Variants in UGT2B7 observed in about 807,000 individuals in gnomAD.
UGT2B7 encodes UDP-glucuronosyltransferase 2B7.
Under a neutral mutation model 51.9 loss-of-function variants are expected in UGT2B7, and 51 were observed. The ratio of observed to expected loss-of-function variants is 0.98; its 90% CI spans 0.78 to 1.24. The LOEUF (loss-of-function observed/expected upper bound fraction) is 1.24. Ranked by LOEUF, UGT2B7 falls within the 50% of genes most tolerant of loss-of-function variation. The pLI is 0.00. For synonymous variants in UGT2B7, 225 were observed against 211.6 expected, an observed-to-expected ratio of 1.06 and a Z score of -0.55; for missense variants, 727 against 628.4, an observed-to-expected ratio of 1.16 and a Z score of -1.68.
At chr4:69,094,446 C>T (rs200486722), upstream of UGT2B7, among the ~76,000 whole-genome samples, 2 of 29,158 alleles carry the variant, frequency 6.9e-5, 1 homozygote, top group Non-Finnish European at 1.0e-4. Context: ...CCGCGCCCGG[C>T]CGGTTTCTAA....
chr4:69,112,554 C>T lies in UGT2B7; in HGVS notation c.1408C>T (p.His470Tyr), dbSNP rs1447327682. 1 of 1,613,906 alleles carries T rather than the reference C, an allele frequency of 6.2e-7. No homozygotes were observed. The highest frequency in any genetic ancestry group is 1.7e-5 in the Admixed American group (1 of 60,014). The change falls in exon 6 of 6, where the codon CAC (histidine) becomes TAC (tyrosine). Residue 470 changes from histidine (H) to tyrosine (Y), a missense_variant. Physicochemically the swap from His to Tyr is moderately conservative, Grantham distance 83. Transcript: ENST00000305231. Reference protein sequence around the residue: ...AVFWIEFVMRHKGAKHLRVAA... With the variant: ...AVFWIEFVMRYKGAKHLRVAA... ...CTTCTGGATTGAATTTGTCATGCGCCACAAAGGAGCTAAACACCTTCGGGT... is the reference window on the plus strand; with the variant it reads ...CTTCTGGATTGAATTTGTCATGCGCTACAAAGGAGCTAAACACCTTCGGGT...
intron 1 of UGT2B7, among the ~76,000 whole-genome samples, chr4:69,056,926 A>G (rs1260868528): frequency 6.6e-6 from 1 of 152,234 alleles, no homozygotes; most frequent in Admixed American, 6.5e-5. Flanking sequence ...TTTTAAGAAA[A>G]AAACAAATAA....
chr4:69,090,441 A>C (rs1719061256), intron 2 of UGT2B7, among the ~76,000 whole-genome samples: 2 of 150,428 alleles, frequency 1.3e-5, no homozygotes. Context: ...TTGAACATAA[A>C]TTCTAAGTAA....
intron 1 of UGT2B7, among the ~76,000 whole-genome samples, chr4:69,070,290 C>T (rs1198052831): frequency 1.4e-5 from 2 of 146,396 alleles, no homozygotes; most frequent in Non-Finnish European, 3.0e-5. Flanking sequence ...AATAAATATA[C>T]TTATATATTG....
intron 2 of UGT2B7, among the ~76,000 whole-genome samples, chr4:69,091,024 A>G (rs1439539140): frequency 6.6e-6 from 1 of 152,160 alleles, no homozygotes; most frequent in East Asian, 1.9e-4. Context: ...TCATATATCC[A>G]TGACCTTTAC....
At chr4:69,071,596 G>A (rs1718602940) in intron 1 of UGT2B7, among the ~76,000 whole-genome samples, 2 of 151,970 alleles carry the variant, frequency 1.3e-5, no homozygotes, top group South Asian at 4.1e-4. Flanking sequence ...ATGAAAGAGA[G>A]GCATAATGAT....
Position 69,080,400 on chromosome 4 carries a change from T to C in UGT2B7, c.-158-9072T>C, listed in dbSNP as rs530072527. Among the ~76,000 whole-genome samples, 11 of 151,776 alleles carry C rather than the reference T, an allele frequency of 7.2e-5. No individual in the cohort carries two copies. In the East Asian group the frequency reaches 2.1e-3, roughly 30 times the overall value. On this transcript the variant is annotated intron_variant, in intron 1 of 5. Transcript: ENST00000502942. ...CCGTCCCTGCTAAAAATACAAAAAT[T>C]AGCCAGGCATGGTAGCACATGCCTG...
At position 69,112,845 on chromosome 4, in the gene UGT2B7, A is replaced by C. The variant is rs1577930414; in HGVS notation, c.*109A>C. On this transcript the variant is annotated 3_prime_UTR_variant, in exon 6 of 6. Coordinates refer to ENST00000305231, the MANE Select transcript of UGT2B7 (RefSeq NM_001074.4). ...TTCTTTCTTCCTGAGACAAAAAAAA[A>C]AAAAGAAAAAAAAATCTTTTCAAAA... 7.2e-7 allele frequency: 1 copy of C among 1,394,608 alleles called. No individual in the cohort carries two copies. Among genetic ancestry groups the C allele is most frequent in the East Asian group, 2.6e-5 (1 of 38,136 alleles). The allele number at this position is 1,394,608 out of a possible 1,614,324, so 86.4% of individuals were successfully genotyped here.
chr4:69,089,130 T>TC (rs1013311714), intron 1 of UGT2B7, among the ~76,000 whole-genome samples: 1 of 152,148 alleles, frequency 6.6e-6, no homozygotes, highest in Non-Finnish European at 1.5e-5. Context: ...TGTTATTTCA[T>TC]CATTTTACTG....
At chr4:69,070,494 T>C (rs1718578192) in intron 1 of UGT2B7, among the ~76,000 whole-genome samples, 1 of 150,098 alleles carries the variant, frequency 6.7e-6, no homozygotes, top group Non-Finnish European at 1.5e-5. Context: ...AGACAAATTT[T>C]ATTTTGACTA....
intron 1 of UGT2B7, among the ~76,000 whole-genome samples, chr4:69,082,264 T>C (rs1718854952): frequency 6.6e-6 from 1 of 151,766 alleles, no homozygotes; most frequent in Non-Finnish European, 1.5e-5. Context: ...GGTCCCTAAG[T>C]AGAAGGGAGA....
At position 69,063,742 on chromosome 4, in the gene UGT2B7, G is replaced by A. The variant is rs561166703; in HGVS notation, c.-159+12140G>A. On this transcript the variant is annotated intron_variant, in intron 1 of 5. Transcript: ENST00000502942. Reference sequence around the variant, plus strand: ...CTCCAGATTCCCTCTTAGGAGGTTGGTTTTCATCCTTTGGTGGTTTTAAAA... The same window carrying A: ...CTCCAGATTCCCTCTTAGGAGGTTGATTTTCATCCTTTGGTGGTTTTAAAA... Among the ~76,000 whole-genome samples the A allele has an allele frequency of 3.3e-5, 5 of 152,184 alleles. No homozygotes were observed. The South Asian group carries it at 1.0e-3, about 32-fold the overall frequency.
chr4:69,073,244 C>CA (rs1718637591), intron 1 of UGT2B7, among the ~76,000 whole-genome samples: 2 of 152,120 alleles, frequency 1.3e-5, no homozygotes, highest in African/African-American at 2.4e-5. Context: ...ATGCTTTACC[C>CA]AAAAATGGAT....
intron 4 of UGT2B7, among the ~76,000 whole-genome samples, chr4:69,107,742 A>C (rs1577927379): frequency 6.6e-6 from 1 of 151,912 alleles, no homozygotes; most frequent in East Asian, 1.9e-4. Flanking sequence ...CCACCACCAA[A>C]CCACTGCCTG....
intron 1 of UGT2B7, among the ~76,000 whole-genome samples, chr4:69,084,447 A>C (rs1296746401): frequency 6.6e-6 from 1 of 151,920 alleles, no homozygotes; most frequent in Non-Finnish European, 1.5e-5. Context: ...TTGGGAAAAA[A>C]TGGATTAATT....
intron 1 of UGT2B7, among the ~76,000 whole-genome samples, 194 bp from the exon 2 acceptor site, chr4:69,098,346 T>C (rs1471606137): frequency 1.3e-5 from 2 of 152,068 alleles, no homozygotes; most frequent in African/African-American, 4.8e-5. Context: ...CTACTTTGTC[T>C]TTCTTATAAA....
intron 2 of UGT2B7, among the ~76,000 whole-genome samples, chr4:69,101,157 A>C (rs1437223148): frequency 1.3e-5 from 2 of 152,102 alleles, no homozygotes; most frequent in African/African-American, 4.8e-5. Flanking sequence ...TGAGTTAGAA[A>C]ATGATAAATA....
intron 5 of UGT2B7, among the ~76,000 whole-genome samples, chr4:69,112,151 A>G (rs1039215526): frequency 2.6e-5 from 4 of 152,306 alleles, no homozygotes; most frequent in East Asian, 1.9e-4. Flanking sequence ...GATTCCAGAC[A>G]TTGTATGGAA....
At chr4:69,081,862 G>A (rs1295303472) in intron 1 of UGT2B7, among the ~76,000 whole-genome samples, 1 of 151,962 alleles carries the variant, frequency 6.6e-6, no homozygotes, top group Non-Finnish European at 1.5e-5. Context: ...TTTTATTATG[G>A]TTTACACATA....
Sources: allele counts gnomAD v4.1 joint callset (sites outside exome capture counted in the v4.1 genomes callset), GRCh38; gene constraint gnomAD v4.1.1; transcripts MANE v1.5; gene names NCBI Gene and HGNC (gene_info 2026-07-23, HGNC 2026-07-21).